Variants in MGST1 observed in about 807,000 individuals in gnomAD.
MGST1 encodes microsomal glutathione S-transferase 1, also known as glutathione S-transferase 12.
A neutral mutation model predicts 8.9 loss-of-function variants in MGST1; 5 were observed. The observed-to-expected ratio is 0.56, with a 90% CI of 0.29 to 1.19. The LOEUF is 1.19. Ranked by LOEUF, MGST1 falls within the 50% of genes most tolerant of loss-of-function variation. MGST1 has a pLI of 0.08. For missense variants in MGST1, 182 were observed against 187.4 expected, an observed-to-expected ratio of 0.97 and a Z score of 0.17; for synonymous variants, 54 against 67.8, an observed-to-expected ratio of 0.80 and a Z score of 1.00.
chr12:16,565,489 T>C (rs1288825984), intron 4 of MGST1, among the ~76,000 whole-genome samples: 5 of 152,226 alleles, frequency 3.3e-5, no homozygotes, highest in Non-Finnish European at 5.9e-5. Flanking sequence ...GTTCTTTCTC[T>C]TTTTGGGTTC....
chr12:16,542,276 T>C (rs1365544711), intron 4 of MGST1, among the ~76,000 whole-genome samples: 2 of 152,188 alleles, frequency 1.3e-5, no homozygotes, highest in Admixed American at 6.5e-5. Context: ...CTGGTCCATA[T>C]GCTGTTAGTA....
chr12:16,484,282 G>A (rs1941384351), intron 4 of MGST1, among the ~76,000 whole-genome samples: 1 of 152,152 alleles, frequency 6.6e-6, no homozygotes, highest in South Asian at 2.1e-4. Context: ...TCTATAGCTA[G>A]GATTTGCTAA....
Position 16,567,130 on chromosome 12 carries a change from A to T in MGST1, n.483-22398A>T, listed in dbSNP as rs567706996. Among the ~76,000 whole-genome samples the T allele has an allele frequency of 6.6e-4, 100 of 152,178 alleles. No individual in the cohort carries two copies. In the South Asian group the frequency reaches 9.6e-3, roughly 15 times the overall value. On this transcript the variant is annotated intron_variant and non_coding_transcript_variant, in intron 4 of 4. Transcript: ENST00000538857. ...AGAATCACTTGAACCTGCGAGGCGG[A>T]GGTTGCAGTGAGCTGAGATCGTGCC...
intron 4 of MGST1, among the ~76,000 whole-genome samples, chr12:16,552,889 GAA>G (rs1942043893): frequency 6.6e-6 from 1 of 152,074 alleles, no homozygotes. Flanking sequence ...CTTATCAAAT[GAA>G]AAGTGTCTGA....
intron 1 of MGST1, among the ~76,000 whole-genome samples, chr12:16,426,828 C>T (rs1199862752): frequency 1.3e-5 from 2 of 151,880 alleles, no homozygotes; most frequent in South Asian, 2.1e-4. Context: ...AAAAATTAGC[C>T]GGGCGTGATG....
chr12:16,533,666 C>T (rs759983718), intron 4 of MGST1, among the ~76,000 whole-genome samples: 24 of 151,448 alleles, frequency 1.6e-4, no homozygotes, highest in Non-Finnish European at 3.1e-4. Context: ...CATTATGTGC[C>T]AGATATTGTT....
Position 16,389,187 on chromosome 12 carries a change from C to T in MGST1, n.778+5583C>T, listed in dbSNP as rs886570943. On this transcript the variant is annotated intron_variant and non_coding_transcript_variant, in intron 1 of 1. Transcript: ENST00000359720. The surrounding 1 kb of genome is among the most constrained non-coding windows in gnomAD (Gnocchi z 4.6). ...GATAATGTGATGGCTTACCCAGCAACCAGCTCCAATTACAGAAATAACAGA... is the reference window on the plus strand; with the variant it reads ...GATAATGTGATGGCTTACCCAGCAATCAGCTCCAATTACAGAAATAACAGA... Among the ~76,000 whole-genome samples, 3 of 152,204 alleles carry T rather than the reference C, an allele frequency of 2.0e-5. No individual in the cohort carries two copies. The highest frequency in any genetic ancestry group is 2.0e-4 in the Admixed American group (3 of 15,288).
At chr12:16,527,090 T>A (rs1390484908) in intron 4 of MGST1, among the ~76,000 whole-genome samples, 5 of 151,986 alleles carry the variant, frequency 3.3e-5, no homozygotes, top group Admixed American at 1.3e-4. Flanking sequence ...GCCCTTCATG[T>A]TTTAGTTAAT....
intron 4 of MGST1, chr12:16,550,936 A>G (rs1941964289): frequency 8.9e-6 from 3 of 336,152 alleles, no homozygotes; most frequent in Non-Finnish European, 1.7e-5. Flanking sequence ...ATTATATACA[A>G]TAGTCCAAAA....
upstream of MGST1, among the ~76,000 whole-genome samples, chr12:16,382,523 C>A (rs57086502): frequency 1.0e-3 from 157 of 152,248 alleles, no homozygotes; most frequent in African/African-American, 3.7e-3. Flanking sequence ...GAGTACCCGG[C>A]CGTGTGAGGT....
chr12:16,582,434 T>C lies in MGST1; in HGVS notation n.483-7094T>C, dbSNP rs1565500234. ...AATAGCATTAGTGTTTTATATTTTA[T>C]ATTGTCTTTATCAGGTCAAGGTACT... On this transcript the variant is annotated intron_variant and non_coding_transcript_variant, in intron 4 of 4. Transcript: ENST00000538857. The surrounding 1 kb of genome is among the most constrained non-coding windows in gnomAD (Gnocchi z 4.1). Among the ~76,000 whole-genome samples, 1 of 152,342 alleles carries C rather than the reference T, an allele frequency of 6.6e-6. No homozygotes were observed. The highest frequency in any genetic ancestry group is 2.1e-4 in the South Asian group (1 of 4,832).
chr12:16,435,617 C>G (rs748883164), intron 1 of MGST1, among the ~76,000 whole-genome samples: 3 of 151,798 alleles, frequency 2.0e-5, no homozygotes, highest in Non-Finnish European at 2.9e-5. Flanking sequence ...ATTTATTGAT[C>G]TTTTCTAACA....
chr12:16,549,829 T>C (rs1206239608), intron 4 of MGST1: 1 of 152,102 alleles, frequency 6.6e-6, no homozygotes, highest in Non-Finnish European at 1.5e-5. Context: ...ATAATCATTC[T>C]CCATAATTTC....
At chr12:16,463,816 T>G (rs949871848) in intron 4 of MGST1, among the ~76,000 whole-genome samples, 3 of 152,216 alleles carry the variant, frequency 2.0e-5, no homozygotes, top group Non-Finnish European at 2.9e-5. Flanking sequence ...GTACAGCTCA[T>G]CTTTGCTTCT....
intron 4 of MGST1, among the ~76,000 whole-genome samples, chr12:16,563,050 G>A (rs952601173): frequency 2.6e-5 from 4 of 152,038 alleles, no homozygotes; most frequent in African/African-American, 9.7e-5. Context: ...CTTCTTCCAC[G>A]CACTTTCCCT....
intron 4 of MGST1, among the ~76,000 whole-genome samples, chr12:16,578,733 C>T (rs1015784113): frequency 3.3e-5 from 5 of 151,686 alleles, no homozygotes; most frequent in East Asian, 3.9e-4. Flanking sequence ...CAGGAGAATT[C>T]CTTGAACCTG....
At chr12:16,519,492 CA>C (rs1333360925) in intron 4 of MGST1, among the ~76,000 whole-genome samples, 12 of 152,184 alleles carry the variant, frequency 7.9e-5, no homozygotes, top group Admixed American at 6.5e-5. Flanking sequence ...TAGTAGCTGG[CA>C]TTCAAGTATA....
intron 4 of MGST1, among the ~76,000 whole-genome samples, chr12:16,501,509 G>A (rs1213840401): frequency 6.6e-6 from 1 of 152,184 alleles, no homozygotes; most frequent in Non-Finnish European, 1.5e-5. Context: ...CCTATTTGGT[G>A]TAGAGACAGA....
At chr12:16,411,347 A>G (rs1940741443) in intron 1 of MGST1, among the ~76,000 whole-genome samples, 1 of 152,164 alleles carries the variant, frequency 6.6e-6, no homozygotes, top group South Asian at 2.1e-4. Flanking sequence ...TGTTGATTAT[A>G]TCTTGTACGT....
Sources: allele counts gnomAD v4.1 joint callset (sites outside exome capture counted in the v4.1 genomes callset), GRCh38; gene constraint gnomAD v4.1.1; non-coding constraint Gnocchi (gnomAD v3.1); transcripts MANE v1.5; gene names NCBI Gene and HGNC (gene_info 2026-07-23, HGNC 2026-07-21).